Variants in EPHB1 observed in about 807,000 individuals in gnomAD.
EPHB1 encodes EPH receptor B1.
EPHB1 carries 30 observed loss-of-function variants against 94.4 expected under a neutral mutation model. That is an observed-to-expected ratio of 0.32 (90% CI 0.24 to 0.43). EPHB1 has a LOEUF of 0.43. Among genes scored for constraint, EPHB1 ranks in the 20% least tolerant of loss-of-function variants. The pLI is 1.00. For missense variants in EPHB1, 1,055 were observed against 1,308.3 expected (o/e 0.81, Z 2.99); for synonymous variants, 522 against 489.1 (o/e 1.07, Z -0.89).
chr3:134,817,883 G>T (rs909646079), intron 1 of EPHB1, among the ~76,000 whole-genome samples: 2 of 152,224 alleles, frequency 1.3e-5, no homozygotes, highest in African/African-American at 2.4e-5. Context: ...CTGCCCAGAG[G>T]GGGAAAGCGC....
rs4493477 is a variant in EPHB1 at position 134,922,427 on chromosome 3, G to A, written c.59-3389G>A. ...CCACAATGGGCAGATGTAAAGAAAT[G>A]GATTTCTCTTGCTGCAAATTCTGTC... On this transcript the variant is annotated intron_variant, in intron 1 of 15. Coordinates refer to ENST00000398015, the MANE Select transcript of EPHB1 (RefSeq NM_004441.5). Among the ~76,000 whole-genome samples the A allele has an allele frequency of 1.7e-3, 259 of 152,258 alleles. 3 individuals are homozygous for A. The East Asian group carries it at 0.045, about 26-fold the overall frequency.
At chr3:135,229,642 G>A (rs1943487237) in intron 12 of EPHB1, among the ~76,000 whole-genome samples, 1 of 152,148 alleles carries the variant, frequency 6.6e-6, no homozygotes, top group Non-Finnish European at 1.5e-5. Flanking sequence ...ACACCCCACA[G>A]CCTTCCCACA....
At chr3:134,933,266 C>T (rs2038937595) in intron 2 of EPHB1, among the ~76,000 whole-genome samples, 1 of 152,162 alleles carries the variant, frequency 6.6e-6, no homozygotes, top group African/African-American at 2.4e-5. Context: ...CAGCCCCAGC[C>T]CCTATAGCCT....
intron 1 of EPHB1, among the ~76,000 whole-genome samples, chr3:134,921,830 C>T (rs1228299398): frequency 2.6e-5 from 4 of 152,180 alleles, no homozygotes; most frequent in Admixed American, 2.6e-4. Context: ...CTAGTTAGCT[C>T]TAGGCCCATC....
chr3:134,853,063 A>G (rs2037027216), intron 1 of EPHB1, among the ~76,000 whole-genome samples: 1 of 152,168 alleles, frequency 6.6e-6, no homozygotes, highest in African/African-American at 2.4e-5. Flanking sequence ...GTCGGGAGGG[A>G]GAGAAAGAAA....
chr3:134,907,000 A>T lies in EPHB1; in HGVS notation c.59-18816A>T, dbSNP rs146824480. 7.0e-4 allele frequency among the ~76,000 whole-genome samples: 107 copies of T among 152,374 alleles called. 1 individual carries two copies. In the East Asian group the frequency reaches 0.019, roughly 27 times the overall value. ...ATAGTTTATAAACTCTAATGGCTAG[A>T]CAAGTGCTATTTATAAAAGGCATAT... On this transcript the variant is annotated intron_variant, in intron 1 of 15. Transcript: ENST00000398015.
At chr3:134,975,284 T>C (rs893771466) in intron 3 of EPHB1, among the ~76,000 whole-genome samples, 1 of 152,140 alleles carries the variant, frequency 6.6e-6, no homozygotes. Flanking sequence ...GCCATCCCTT[T>C]TGCAGGCCTG....
chr3:135,238,122 A>G (rs945182471), intron 12 of EPHB1, among the ~76,000 whole-genome samples: 1 of 152,240 alleles, frequency 6.6e-6, no homozygotes, highest in Non-Finnish European at 1.5e-5. Flanking sequence ...TCTGAGCACC[A>G]GAAGGCAACA....
At chr3:135,000,408 G>C (rs1238768001) in intron 3 of EPHB1, among the ~76,000 whole-genome samples, 1 of 152,164 alleles carries the variant, frequency 6.6e-6, no homozygotes, top group Non-Finnish European at 1.5e-5. Flanking sequence ...TCATTCCATG[G>C]GGGAAATAGT....
chr3:134,966,106 C>A (rs955916974), intron 3 of EPHB1, among the ~76,000 whole-genome samples: 2 of 152,198 alleles, frequency 1.3e-5, no homozygotes, highest in African/African-American at 2.4e-5. Flanking sequence ...GCCATCTGCT[C>A]GCTCCTTTCA....
intron 10 of EPHB1, among the ~76,000 whole-genome samples, chr3:135,180,992 C>T (rs1245906307): frequency 2.0e-5 from 3 of 152,140 alleles, no homozygotes; most frequent in Non-Finnish European, 4.4e-5. Flanking sequence ...AATTGCCTCT[C>T]TCAATAATAT....
rs761135223 is a variant in EPHB1, at chr3:135,154,207, C to T, written c.1353C>T (p.Thr451=). 1.4e-5 allele frequency: 22 copies of T among 1,613,916 alleles called. No individual in the cohort carries two copies. The highest frequency in any genetic ancestry group is 1.8e-5 in the Non-Finnish European group (21 of 1,179,892). ...HQVSATMRSI[T]LSWPQPEQPN... ...TCAGTGCCACTATGAGGAGCATCACCTTGTCATGGCCACAGCCGGAGCAGC... is the reference window on the plus strand; with the variant it reads ...TCAGTGCCACTATGAGGAGCATCACTTTGTCATGGCCACAGCCGGAGCAGC... Residue 451 remains threonine (T), a synonymous_variant, in exon 6 of 16, where the codon ACC becomes ACT. Transcript: ENST00000398015.
intron 3 of EPHB1, among the ~76,000 whole-genome samples, chr3:135,010,220 G>A (rs1408369576): frequency 6.6e-6 from 1 of 152,166 alleles, no homozygotes; most frequent in Non-Finnish European, 1.5e-5. Context: ...TTTGGGTAGA[G>A]TAAAGATGAG....
chr3:135,001,073 G>A (rs1452572359), intron 3 of EPHB1, among the ~76,000 whole-genome samples: 1 of 152,192 alleles, frequency 6.6e-6, no homozygotes, highest in Admixed American at 6.5e-5. Flanking sequence ...GCCTGGAGGA[G>A]GAGGGTGTCA....
At chr3:134,886,294 T>C (rs1031996273) in intron 1 of EPHB1, among the ~76,000 whole-genome samples, 9 of 152,230 alleles carry the variant, frequency 5.9e-5, no homozygotes, top group Non-Finnish European at 4.4e-5. Flanking sequence ...CTGTTACTAA[T>C]ATCTTTTGAA....
At chr3:135,159,567 G>A (rs375977375) in intron 6 of EPHB1, among the ~76,000 whole-genome samples, 23 of 152,338 alleles carry the variant, frequency 1.5e-4, no homozygotes, top group African/African-American at 5.5e-4. Context: ...CTGTGTCAAA[G>A]TAGAAATGAT....
chr3:134,950,755 G>C (rs1213206819), intron 2 of EPHB1, among the ~76,000 whole-genome samples: 1 of 152,124 alleles, frequency 6.6e-6, no homozygotes, highest in Non-Finnish European at 1.5e-5. Context: ...CCAACATTGG[G>C]AATCACATTT....
chr3:135,163,167 T>C (rs989449979), intron 7 of EPHB1, among the ~76,000 whole-genome samples: 4 of 152,246 alleles, frequency 2.6e-5, no homozygotes, highest in Admixed American at 1.3e-4. Context: ...TTTATCTTGA[T>C]GCACATTGTA....
At chr3:135,163,507 G>T (rs1941569463) in intron 7 of EPHB1, among the ~76,000 whole-genome samples, 1 of 152,144 alleles carries the variant, frequency 6.6e-6, no homozygotes. Context: ...AGTTAATTCA[G>T]GTTGATAATG....
Sources: gnomAD v4.1 joint callset for allele counts (sites outside exome capture counted in the v4.1 genomes callset) on GRCh38, gnomAD v4.1.1 for gene constraint, MANE v1.5 for transcripts, NCBI Gene and HGNC (gene_info 2026-07-23, HGNC 2026-07-21) for gene names.